The following MAOB variants were observed in gnomAD, a reference collection of about 807,000 sequenced individuals.
MAOB encodes the protein monoamine oxidase B.
A neutral mutation model predicts 41.9 loss-of-function variants in MAOB; 15 were observed. The ratio of observed to expected loss-of-function variants is 0.36; its 90% confidence interval spans 0.24 to 0.55. The LOEUF (loss-of-function observed/expected upper bound fraction) is 0.55, where lower values mean the gene tolerates loss of function less well. Ranked by LOEUF, MAOB falls within the 20% of genes least tolerant of loss-of-function variation. The probability of loss-of-function intolerance (pLI) is 0.86; values close to 1 mark genes in which losing one functional copy is unlikely to be tolerated. For missense variants in MAOB, 345 were observed against 398.7 expected (o/e 0.87, Z 1.15); for synonymous variants, 167 against 144.2 (o/e 1.16, Z -1.13).
chrX:43,807,839 A>G (rs1412891973), intron 3 of MAOB, among the ~76,000 whole-genome samples: 2 of 112,197 alleles, frequency 1.8e-5, no homozygotes, highest in Non-Finnish European at 3.8e-5. Flanking sequence ...TATATGCTTG[A>G]TATAATCTCA....
At chrX:43,780,046 G>A (rs146808171) in intron 10 of MAOB, among the ~76,000 whole-genome samples, 194 of 111,166 alleles carry the variant, frequency 1.7e-3, no homozygotes, top group African/African-American at 5.0e-3. Context: ...CATATTCTCC[G>A]TAGCCCCTAG....
chrX:43,803,290 G>A lies in MAOB; in HGVS notation c.384+10C>T. 8.9e-7 allele frequency: 1 copy of A among 1,123,471 alleles called. No homozygotes were observed. Among genetic ancestry groups the A allele is most frequent in the Non-Finnish European group, 1.2e-6 (1 of 854,537 alleles). 92.6% of individuals were successfully genotyped at this position (1,123,471 alleles called of 1,213,427 possible). On this transcript the variant is annotated intron_variant, in intron 4 of 14. Coordinates refer to ENST00000378069, the MANE Select transcript of MAOB (RefSeq NM_000898.5). ...AAAAAAGAATACAAATATAGTCAAA[G>A]AAGCTTTACCTCTCGCCCCATGTCA...
chrX:43,791,816 A>G (rs964755503), intron 8 of MAOB, among the ~76,000 whole-genome samples: 1 of 112,506 alleles, frequency 8.9e-6, no homozygotes, highest in African/African-American at 3.2e-5. Context: ...CTCATTAGCT[A>G]TATTTCAAGT....
At position 43,767,212 on chromosome X, in the gene MAOB, C is replaced by G. The variant is rs2034122299; in HGVS notation, c.*254G>C. 1 of 322,793 alleles carries G rather than the reference C, an allele frequency of 3.1e-6. No homozygotes were observed. Among genetic ancestry groups the G allele is most frequent in the Non-Finnish European group, 5.4e-6 (1 of 185,804 alleles). 26.6% of individuals were successfully genotyped at this position (322,793 alleles called of 1,213,427 possible). On this transcript the variant is annotated 3_prime_UTR_variant, in exon 15 of 15. Transcript: ENST00000378069. ...AAGAACCTTAAACAAGCCAATTTAA[C>G]TATTCTAAAGATTTTGAGGGCAATA... is the stretch of plus-strand genomic sequence containing the variant.
At chrX:43,838,847 C>CAA in intron 3 of MAOB, 21 bp downstream of exon 3, 1 of 1,159,222 alleles carries the variant, frequency 8.6e-7, no homozygotes, top group Non-Finnish European at 1.1e-6. Flanking sequence ...TCAAATCCTT[C>CAA]AAAGTCTGGC....
At chrX:43,855,703 T>G (rs189540946) in intron 1 of MAOB, among the ~76,000 whole-genome samples, 21 of 112,225 alleles carry the variant, frequency 1.9e-4, no homozygotes, top group African/African-American at 5.5e-4. Flanking sequence ...GAATGGGCCT[T>G]GCATACAGAA....
chrX:43,767,974 G>A (rs1014141919), intron 14 of MAOB, among the ~76,000 whole-genome samples: 4 of 112,184 alleles, frequency 3.6e-5, no homozygotes, highest in African/African-American at 9.7e-5. Flanking sequence ...TACAGAACAC[G>A]TGTGCCATAA....
intron 5 of MAOB, 44 bp from the exon 6 acceptor site, chrX:43,797,310 G>C (rs749141048): frequency 2.4e-4 from 251 of 1,047,620 alleles, no homozygotes; most frequent in Non-Finnish European, 3.1e-4. Context: ...ACGCAGGAGA[G>C]CAGCTTCTTA....
intron 6 of MAOB, among the ~76,000 whole-genome samples, chrX:43,796,557 G>A (rs1031762856): frequency 9.0e-6 from 1 of 110,832 alleles, no homozygotes; most frequent in Non-Finnish European, 1.9e-5. Flanking sequence ...AAAGAGAAAA[G>A]GAGGAGGAGA....
At chrX:43,818,003 C>T (rs755008141) in intron 3 of MAOB, among the ~76,000 whole-genome samples, 6 of 112,099 alleles carry the variant, frequency 5.4e-5, no homozygotes, top group Admixed American at 9.5e-5. Context: ...AGTACTCATT[C>T]AATAAATCTT....
intron 3 of MAOB, among the ~76,000 whole-genome samples, chrX:43,831,886 C>G (rs2035023197): frequency 9.0e-6 from 1 of 111,544 alleles, no homozygotes; most frequent in African/African-American, 3.3e-5. Flanking sequence ...TATGTGTCTT[C>G]CTTTCTCACC....
intron 1 of MAOB, among the ~76,000 whole-genome samples, chrX:43,868,871 G>A (rs761750834): frequency 9.0e-6 from 1 of 111,266 alleles, no homozygotes; most frequent in Admixed American, 9.5e-5. Context: ...GTGTGTGTGT[G>A]TGTGTGTGTG....
rs1355859677 is a variant in MAOB, at chrX:43,769,426, C to T, written c.1236-8G>A. ...ACTGGCTGGCGTAGAACCCTTGGAA[C>T]AAAACCAAAGAGGCAAAAGTGGTCA... On this transcript the variant is annotated splice_polypyrimidine_tract_variant and splice_region_variant and intron_variant, in intron 12 of 14. Coordinates refer to ENST00000378069, the MANE Select transcript of MAOB (RefSeq NM_000898.5). The T allele has an allele frequency of 1.7e-6, 2 of 1,204,693 alleles. No homozygotes were observed. Among genetic ancestry groups the T allele is most frequent in the South Asian group, 3.6e-5 (2 of 55,845 alleles).
chrX:43,862,606 A>G (rs2035339686), intron 1 of MAOB, among the ~76,000 whole-genome samples: 1 of 112,055 alleles, frequency 8.9e-6, no homozygotes, highest in African/African-American at 3.2e-5. Flanking sequence ...CTTTAATTGC[A>G]GTATCAGGAC....
At chrX:43,836,419 T>G (rs767716399) in intron 3 of MAOB, among the ~76,000 whole-genome samples, 1 of 112,628 alleles carries the variant, frequency 8.9e-6, no homozygotes, top group East Asian at 2.8e-4. Flanking sequence ...TCACTGCATG[T>G]GACTGATCAC....
At chrX:43,834,752 A>G (rs1272912715) in intron 3 of MAOB, among the ~76,000 whole-genome samples, 1 of 112,456 alleles carries the variant, frequency 8.9e-6, no homozygotes, top group Non-Finnish European at 1.9e-5. Context: ...ATTCGCATGC[A>G]TCTTTAGCAT....
chrX:43,844,007 C>T, intron 1 of MAOB: 2 of 758,595 alleles, frequency 2.6e-6, no homozygotes, highest in Non-Finnish European at 3.4e-6. Flanking sequence ...GCCACTATAT[C>T]AAAATGTCTA....
At chrX:43,768,172 TC>T (rs760692801) in intron 14 of MAOB, among the ~76,000 whole-genome samples, 1 of 111,843 alleles carries the variant, frequency 8.9e-6, no homozygotes, top group African/African-American at 3.3e-5. Flanking sequence ...CCTCTATGCA[TC>T]CCTCCTTCCA....
chrX:43,786,852 A>C (rs755874794), intron 8 of MAOB, among the ~76,000 whole-genome samples: 40 of 111,242 alleles, frequency 3.6e-4, no homozygotes, highest in Non-Finnish European at 6.8e-4. Context: ...TGAAGGAACA[A>C]GGAGCAGAGA....
Sources: allele counts gnomAD v4.1 joint callset (sites outside exome capture counted in the v4.1 genomes callset), GRCh38; gene constraint gnomAD v4.1.1; transcripts MANE v1.5; gene names NCBI Gene and HGNC (gene_info 2026-07-23, HGNC 2026-07-21).